LRFN4: variants seen among roughly 807,000 people sequenced by gnomAD.
LRFN4 encodes the protein leucine rich repeat and fibronectin type III domain containing 4.
LRFN4 carries 10 observed loss-of-function variants against 29.0 expected under a neutral mutation model. That is an observed-to-expected ratio of 0.35 (90% CI 0.21 to 0.59). The LOEUF is 0.59. Among genes scored for constraint, LRFN4 ranks in the 20% least tolerant of loss-of-function variants. The probability of loss-of-function intolerance (pLI) is 0.82; values close to 1 mark genes in which losing one functional copy is unlikely to be tolerated. For missense variants in LRFN4, 850 were observed against 907.9 expected (o/e 0.94, Z 0.82); for synonymous variants, 493 against 437.0 (o/e 1.13, Z -1.60).
rs759478441 is a variant in LRFN4, at chr11:66,858,796, G to A, written c.1052G>A (p.Cys351Tyr). 1.3e-6 allele frequency: 2 copies of A among 1,549,586 alleles called. No individual in the cohort carries two copies. Among genetic ancestry groups the A allele is most frequent in the South Asian group, 1.2e-5 (1 of 84,566 alleles). ...TGAGDAGGYT[C>Y]IATNPAGEAT... ...GCTGGGGACGCTGGGGGCTACACCT[G>A]CATCGCCACCAACCCTGCTGGTGAG... The change falls in exon 1 of 2, where the codon TGC becomes TAC. Residue 351 changes from cysteine (C) to tyrosine (Y), a missense_variant. This residue lies in a region of LRFN4 where 744 missense variants were observed against 753.8 expected (regional missense o/e 0.99). Transcript: ENST00000309602. This position sits in a 1 kb window ranked among gnomAD's most constrained non-coding sequence, Gnocchi z 5.9.
In LRFN4 at chr11:66,857,995, T is replaced by C; in HGVS notation, c.251T>C (p.Ile84Thr). The part of the protein sequence containing the change: ...LVDLTLSRNA[I>T]TRIGARAFGD... ...GACCTGACACTGTCTCGCAATGCCA[T>C]CACCCGCATTGGGGCCCGCGCCTTT... Residue 84 changes from isoleucine (I) to threonine (T), a missense_variant, in exon 1 of 2, where the codon ATC (isoleucine) becomes ACC (threonine). Physicochemically the swap from Ile to Thr is moderately conservative, Grantham distance 89. Transcript: ENST00000309602. The surrounding 1 kb of genome is among the most constrained non-coding windows in gnomAD (Gnocchi z 7.1). 6.2e-7 allele frequency: 1 copy of C among 1,612,466 alleles called. No individual in the cohort carries two copies. The highest frequency in any genetic ancestry group is 8.5e-7 in the Non-Finnish European group (1 of 1,179,930).
At chr11:66,859,120 T>C in intron 1 of LRFN4, 27 bp downstream of exon 1, 1 of 1,476,172 alleles carries the variant, frequency 6.8e-7, no homozygotes. Context: ...CACACCCGGC[T>C]GCACTCCCGG....
Position 66,859,812 on chromosome 11 carries a change from C to G in LRFN4, c.1525C>G (p.Leu509Val), listed in dbSNP as rs1046555254. The G allele has an allele frequency of 1.9e-6, 3 of 1,586,340 alleles. No homozygotes were observed. The highest frequency in any genetic ancestry group is 2.6e-6 in the Non-Finnish European group (3 of 1,165,998). ...TLPASPLCHALQAHVLGGTLT... is the reference protein window; with the variant it reads ...TLPASPLCHAVQAHVLGGTLT... ...GCCGGCCTCGCCCCTGTGCCACGCCCTGCAGGCCCACGTGCTGGGCGGGAC... is the reference window on the plus strand; with the variant it reads ...GCCGGCCTCGCCCCTGTGCCACGCCGTGCAGGCCCACGTGCTGGGCGGGAC... The change falls in exon 2 of 2, where the codon CTG becomes GTG. Residue 509 changes from leucine to valine, a missense_variant. By Grantham distance (32) the Leu-to-Val change is conservative (BLOSUM62 1). Coordinates refer to ENST00000309602, the MANE Select transcript of LRFN4 (RefSeq NM_024036.5).
rs1409666621 is a variant in LRFN4, at chr11:66,858,751, T to TA, written c.1008dup (p.Glu337ArgfsTer23). ...GCCCGGGCTTTCCCCAACGGGACCT[T>TA]AGAGATTGGGGTGACCGGCGCTGGG... On this transcript the variant is annotated frameshift_variant, in exon 1 of 2. Coordinates refer to ENST00000309602, the MANE Select transcript of LRFN4 (RefSeq NM_024036.5). LOFTEE classifies it high-confidence loss of function. The surrounding 1 kb of genome is among the most constrained non-coding windows in gnomAD (Gnocchi z 5.9). 1.9e-6 allele frequency: 3 copies of TA among 1,554,074 alleles called. No individual in the cohort carries two copies. Among genetic ancestry groups the TA allele is most frequent in the Non-Finnish European group, 2.6e-6 (3 of 1,149,202 alleles).
Position 66,857,629 on chromosome 11 carries a change from C to T in LRFN4, c.-116C>T. On this transcript the variant is annotated 5_prime_UTR_variant, in exon 1 of 2. Transcript: ENST00000309602. The surrounding 1 kb of genome is among the most constrained non-coding windows in gnomAD (Gnocchi z 7.1). ...GCCCTCTTGGGCCTCTGACCCAGCC[C>T]CTCCCCGGGCCAGGCTCACAGAAGC... 8.2e-7 allele frequency: 1 copy of T among 1,218,710 alleles called. No individual in the cohort carries two copies. Among genetic ancestry groups the T allele is most frequent in the South Asian group, 1.6e-5 (1 of 63,600 alleles). 75.5% of individuals were successfully genotyped at this position (1,218,710 alleles called of 1,614,324 possible).
In LRFN4 at chr11:66,857,598, C is replaced by G. The variant is rs1293135272; in HGVS notation, c.-147C>G. The G allele has an allele frequency of 1.2e-6, 1 of 830,304 alleles. No individual in the cohort carries two copies. The highest frequency in any genetic ancestry group is 1.8e-6 in the Non-Finnish European group (1 of 548,926). The allele number at this position is 830,304 out of a possible 1,614,324, so 51.4% of individuals were successfully genotyped here. ...TGCAGGCCCCAACCTTCCCTCATCT[C>G]TGGCGGCCCTCTTGGGCCTCTGACC... is the stretch of plus-strand genomic sequence containing the variant. On this transcript the variant is annotated 5_prime_UTR_variant, in exon 1 of 2. Coordinates refer to ENST00000309602, the MANE Select transcript of LRFN4 (RefSeq NM_024036.5). The surrounding 1 kb of genome is among the most constrained non-coding windows in gnomAD (Gnocchi z 7.1).
At position 66,858,123 on chromosome 11, in the gene LRFN4, C is replaced by G; in HGVS notation, c.379C>G (p.Leu127Val). ...CCCCGTCAATCTGCAGCACCTCATC[C>G]TCAGCGGCAACCAGCTGGGCCGCAT... ...RGPVNLQHLI[L>V]SGNQLGRIAP... The change falls in exon 1 of 2, where the codon CTC becomes GTC. Residue 127 changes from leucine (L) to valine (V), a missense_variant. Leu to Val is a conservative substitution (Grantham distance 32, BLOSUM62 1). This residue lies in a region of LRFN4 where 744 missense variants were observed against 753.8 expected (regional missense o/e 0.99). Coordinates refer to ENST00000309602, the MANE Select transcript of LRFN4 (RefSeq NM_024036.5). This position sits in a 1 kb window ranked among gnomAD's most constrained non-coding sequence, Gnocchi z 5.9. 6.2e-7 allele frequency: 1 copy of G among 1,610,766 alleles called. No individual in the cohort carries two copies. Among genetic ancestry groups the G allele is most frequent in the Non-Finnish European group, 8.5e-7 (1 of 1,178,918 alleles).
rs1945898347 is a variant in LRFN4, at chr11:66,857,086, G to A, written c.-659G>A. 6.8e-6 allele frequency: 1 copy of A among 147,384 alleles called. No individual in the cohort carries two copies. Among genetic ancestry groups the A allele is most frequent in the African/African-American group, 2.4e-5 (1 of 40,922 alleles). The allele number at this position is 147,384 out of a possible 1,614,324, so 9.1% of individuals were successfully genotyped here. On this transcript the variant is annotated 5_prime_UTR_variant, in exon 1 of 2. Coordinates refer to ENST00000309602, the MANE Select transcript of LRFN4 (RefSeq NM_024036.5). This position sits in a 1 kb window ranked among gnomAD's most constrained non-coding sequence, Gnocchi z 7.1. ...CCCGCCGGCGCGCACCCGCTCGCCT[G>A]TCGCCGCCGCCACCGCTAACCGCGC...
chr11:66,859,120 T>A (rs1946081983), intron 1 of LRFN4, 27 bp downstream of exon 1: 2 of 1,476,172 alleles, frequency 1.4e-6, no homozygotes, highest in Non-Finnish European at 9.0e-7. Context: ...CACACCCGGC[T>A]GCACTCCCGG....
chr11:66,859,438 C>G (rs1946103246), intron 1 of LRFN4, among the ~76,000 whole-genome samples, 199 bp from the exon 2 acceptor site: 1 of 152,222 alleles, frequency 6.6e-6, no homozygotes, highest in Admixed American at 6.5e-5. Flanking sequence ...CCCCATTCCC[C>G]TCGCTTGCCT....
In LRFN4 at chr11:66,860,120, G is replaced by A. The variant is rs1280721017; in HGVS notation, c.1833G>A (p.Val611=). 6.4e-7 allele frequency: 1 copy of A among 1,550,934 alleles called. No homozygotes were observed. Among genetic ancestry groups the A allele is most frequent in the Non-Finnish European group, 8.7e-7 (1 of 1,147,686 alleles). The change falls in exon 2 of 2, where the codon GTG becomes GTA. Residue 611 remains valine (V), a synonymous_variant. Transcript: ENST00000309602. The part of the protein sequence containing the change: ...GGAWARRSHS[V]HGGLLGAGCR... Reference sequence around the variant, plus strand: ...CTTGGGCCCGACGGAGCCACTCTGTGCATGGGGGGCTGCTCGGGGCAGGGT... The same window carrying A: ...CTTGGGCCCGACGGAGCCACTCTGTACATGGGGGGCTGCTCGGGGCAGGGT...
Position 66,858,834 on chromosome 11 carries a change from G to A in LRFN4, c.1090G>A (p.Val364Ile), listed in dbSNP as rs1188687277. The A allele has an allele frequency of 3.2e-6, 5 of 1,551,774 alleles. No homozygotes were observed. Among genetic ancestry groups the A allele is most frequent in the Non-Finnish European group, 4.4e-6 (5 of 1,149,306 alleles). The change falls in exon 1 of 2, where the codon GTA becomes ATA. Residue 364 changes from valine (V) to isoleucine (I), a missense_variant. Physicochemically the swap from Val to Ile is conservative, Grantham distance 29. This residue lies in a region of LRFN4 where 744 missense variants were observed against 753.8 expected (regional missense o/e 0.99). Transcript: ENST00000309602. This position sits in a 1 kb window ranked among gnomAD's most constrained non-coding sequence, Gnocchi z 5.9. Reference protein sequence around the residue: ...TNPAGEATARVELRVLALPHG... With the variant: ...TNPAGEATARIELRVLALPHG... ...CCCTGCTGGTGAGGCCACAGCCCGAGTAGAACTGCGGGTGCTGGCCTTGCC... is the reference window on the plus strand; with the variant it reads ...CCCTGCTGGTGAGGCCACAGCCCGAATAGAACTGCGGGTGCTGGCCTTGCC...
chr11:66,859,123 A>C, intron 1 of LRFN4, 30 bp downstream of exon 1: 1 of 1,469,136 alleles, frequency 6.8e-7, no homozygotes, highest in Non-Finnish European at 9.0e-7. Flanking sequence ...ACCCGGCTGC[A>C]CTCCCGGCGC....
In LRFN4 at chr11:66,859,106, G is replaced by A. The variant is rs767767080; in HGVS notation, c.1349+13G>A. On this transcript the variant is annotated intron_variant, in intron 1 of 1. Coordinates refer to ENST00000309602, the MANE Select transcript of LRFN4 (RefSeq NM_024036.5). ...CCCTCATCTACCGGTGAGGATGCGT[G>A]CCCCACACCCGGCTGCACTCCCGGC... 10 of 1,482,214 alleles carry A rather than the reference G, an allele frequency of 6.7e-6. No homozygotes were observed. In the East Asian group the frequency reaches 2.2e-4, roughly 33 times the overall value. 91.8% of individuals were successfully genotyped at this position (1,482,214 alleles called of 1,614,324 possible).
Position 66,857,694 on chromosome 11 carries a change from G to C in LRFN4, c.-51G>C, listed in dbSNP as rs756810881. The C allele has an allele frequency of 2.0e-6, 3 of 1,535,242 alleles. No homozygotes were observed. Among genetic ancestry groups the C allele is most frequent in the South Asian group, 2.4e-5 (2 of 82,434 alleles). On this transcript the variant is annotated 5_prime_UTR_variant, in exon 1 of 2. Transcript: ENST00000309602. The surrounding 1 kb of genome is among the most constrained non-coding windows in gnomAD (Gnocchi z 7.1). The stretch of plus-strand genomic sequence containing the variant: ...GTCCTGGGCCCAAGTGGGCACCTGC[G>C]CCAGCCCCACCTGTGCCTGGGCTGT...
In LRFN4 at chr11:66,860,183, G is replaced by C. The variant is rs1009851702; in HGVS notation, c.1896G>C (p.Glu632Asp). The change falls in exon 2 of 2, where the codon GAG (glutamate) becomes GAC (aspartate). Residue 632 changes from glutamate (E) to aspartate (D), a missense_variant. Transcript: ENST00000309602. The stretch of plus-strand genomic sequence containing the variant: ...GAGGCAGCGCCGAGCGGCTGGAAGA[G>C]AGTGTGGTGTGATGGACGGGCAGCT... ...GVGGSAERLE[E>D]SVV The C allele has an allele frequency of 3.9e-6, 6 of 1,545,468 alleles. No individual in the cohort carries two copies. Among genetic ancestry groups the C allele is most frequent in the Non-Finnish European group, 4.4e-6 (5 of 1,147,550 alleles).
Position 66,859,937 on chromosome 11 carries a change from C to G in LRFN4, c.1650C>G (p.Pro550=). The change falls in exon 2 of 2, where the codon CCC becomes CCG. Residue 550 remains proline (P), a synonymous_variant. Coordinates refer to ENST00000309602, the MANE Select transcript of LRFN4 (RefSeq NM_024036.5). The stretch of plus-strand genomic sequence containing the variant: ...GGGGGGCCGGAAATGGCCGCCTCCC[C>G]CTCAAGCTCAGCCACGTCCAGTCCC... ...RGRGAGNGRL[P]LKLSHVQSQT... 6.3e-7 allele frequency: 1 copy of G among 1,593,698 alleles called. No individual in the cohort carries two copies.
rs1184812891 is a variant in LRFN4 at position 66,859,806 on chromosome 11, C to A, written c.1519C>A (p.His507Asn). 2 of 1,589,306 alleles carry A rather than the reference C, an allele frequency of 1.3e-6. No homozygotes were observed. The highest frequency in any genetic ancestry group is 8.6e-7 in the Non-Finnish European group (1 of 1,167,742). Residue 507 changes from histidine to asparagine, a missense_variant, in exon 2 of 2, where the codon CAC becomes AAC. Coordinates refer to ENST00000309602, the MANE Select transcript of LRFN4 (RefSeq NM_024036.5). ...FSTLPASPLC[H>N]ALQAHVLGGT... Reference sequence around the variant, plus strand: ...CACGCTGCCGGCCTCGCCCCTGTGCCACGCCCTGCAGGCCCACGTGCTGGG... The same window carrying A: ...CACGCTGCCGGCCTCGCCCCTGTGCAACGCCCTGCAGGCCCACGTGCTGGG...
intron 1 of LRFN4, 57 bp from the exon 2 acceptor site, chr11:66,859,580 G>A: frequency 5.6e-6 from 9 of 1,604,748 alleles, no homozygotes; most frequent in Non-Finnish European, 7.7e-6. Context: ...GGAGTGGGGA[G>A]GTGAGGATGG....
Sources: gnomAD v4.1 joint callset for allele counts (sites outside exome capture counted in the v4.1 genomes callset) on GRCh38, gnomAD v4.1.1 for gene constraint, gnomAD v4.1.1 regional missense constraint, Gnocchi (gnomAD v3.1) non-coding constraint, MANE v1.5 for transcripts, NCBI Gene and HGNC (gene_info 2026-07-23, HGNC 2026-07-21) for gene names.